RBM19: variants seen among roughly 807,000 people sequenced by gnomAD.
RBM19 encodes the protein RNA binding motif protein 19.
In RBM19, 94 loss-of-function variants were observed where a neutral mutation model predicts 116.8. The ratio of observed to expected loss-of-function variants is 0.80; its 90% CI spans 0.68 to 0.95. The LOEUF is 0.95. Ranked by LOEUF, RBM19 falls within the 40% of genes least tolerant of loss-of-function variation. The pLI is 0.00. For synonymous variants in RBM19, 475 were observed against 494.1 expected, an observed-to-expected ratio of 0.96 and a Z score of 0.51; for missense variants, 1,161 against 1,220.7, an observed-to-expected ratio of 0.95 and a Z score of 0.73.
At position 113,912,759 on chromosome 12, in the gene RBM19, C is replaced by G. The variant is rs182850936; in HGVS notation, c.2558+2210G>C. On this transcript the variant is annotated intron_variant, in intron 21 of 23. Transcript: ENST00000261741. ...CATAGAACCTGCCTGCCCAAATGGA[C>G]CAGCTTGGTTCCCCGAAACCCTGAA... 3.2e-4 allele frequency among the ~76,000 whole-genome samples: 48 copies of G among 152,278 alleles called. 1 individual carries two copies. The highest frequency in any genetic ancestry group is 6.3e-4 in the Non-Finnish European group (43 of 68,024).
chr12:113,958,576 C>G (rs1165152206), intron 5 of RBM19, among the ~76,000 whole-genome samples: 1 of 152,144 alleles, frequency 6.6e-6, no homozygotes, highest in East Asian at 1.9e-4. Context: ...CCTACCGTGT[C>G]CCACTAAGTC....
chr12:113,924,373 G>A (rs1868865647), intron 18 of RBM19, among the ~76,000 whole-genome samples: 1 of 152,230 alleles, frequency 6.6e-6, no homozygotes, highest in Non-Finnish European at 1.5e-5. Flanking sequence ...AGGAGGCAGA[G>A]GTTCCTGATA....
chr12:113,857,543 C>T (rs768193080), intron 22 of RBM19, among the ~76,000 whole-genome samples: 5 of 152,248 alleles, frequency 3.3e-5, no homozygotes, highest in Admixed American at 1.3e-4. Context: ...GGGTGAGGGC[C>T]GTGACCTGCT....
At chr12:113,855,429 T>C (rs2135735414) in intron 22 of RBM19, among the ~76,000 whole-genome samples, 1 of 152,346 alleles carries the variant, frequency 6.6e-6, no homozygotes, top group South Asian at 2.1e-4. Context: ...TCCTCCCATC[T>C]GACGATTGCT....
chr12:113,920,729 C>G (rs752695046), intron 18 of RBM19, 39 bp from the exon 19 acceptor site: 1 of 1,584,392 alleles, frequency 6.3e-7, no homozygotes, highest in Non-Finnish European at 8.7e-7. Flanking sequence ...GTCGGTGAAG[C>G]GGAAGCACAA....
chr12:113,871,830 C>A (rs545579093), intron 21 of RBM19, among the ~76,000 whole-genome samples: 6 of 152,220 alleles, frequency 3.9e-5, no homozygotes, highest in African/African-American at 1.4e-4. Context: ...CGGCGAGCGC[C>A]GCCCGGGAGG....
chr12:113,843,432 AG>A (rs1036674282), intron 23 of RBM19, among the ~76,000 whole-genome samples: 5 of 152,190 alleles, frequency 3.3e-5, no homozygotes, highest in African/African-American at 1.2e-4. Flanking sequence ...GTGGCGTGCC[AG>A]GAAGACCTCA....
At chr12:113,930,903 T>A (rs1869546821) in intron 16 of RBM19, among the ~76,000 whole-genome samples, 1 of 152,270 alleles carries the variant, frequency 6.6e-6, no homozygotes, top group South Asian at 2.1e-4. Flanking sequence ...CCTAGCTGCA[T>A]GGCCCTGGGT....
intron 23 of RBM19, among the ~76,000 whole-genome samples, chr12:113,833,451 G>A (rs1202602313): frequency 6.6e-6 from 1 of 152,170 alleles, no homozygotes; most frequent in Non-Finnish European, 1.5e-5. Context: ...AAATCTTCTG[G>A]GAGCTTCCCA....
intron 21 of RBM19, among the ~76,000 whole-genome samples, chr12:113,872,025 A>C (rs1294882915): frequency 1.6e-5 from 2 of 127,452 alleles, no homozygotes; most frequent in South Asian, 5.6e-4. Flanking sequence ...CTGGCTGCCC[A>C]GTCTGGAAAG....
chr12:113,914,884 C>T, intron 21 of RBM19, 85 bp downstream of exon 21: 1 of 1,206,014 alleles, frequency 8.3e-7, no homozygotes, highest in Non-Finnish European at 1.2e-6. Flanking sequence ...CGGAACCATC[C>T]AGGACCCAAA....
chr12:113,868,891 G>A (rs1023090685), intron 21 of RBM19, among the ~76,000 whole-genome samples: 1 of 152,152 alleles, frequency 6.6e-6, no homozygotes, highest in Admixed American at 6.5e-5. Flanking sequence ...ACCTAAGTGC[G>A]GAGCCAGACT....
Position 113,959,203 on chromosome 12 carries a change from T to A in RBM19, c.571+9A>T, listed in dbSNP as rs780429863. Reference sequence around the variant, plus strand: ...GTGCGCATGGAGCACACAGTCCCCATGCCCTCACCTTCCAGGTCCTCCCCG... The same window carrying A: ...GTGCGCATGGAGCACACAGTCCCCAAGCCCTCACCTTCCAGGTCCTCCCCG... On this transcript the variant is annotated intron_variant, in intron 5 of 23. Transcript: ENST00000261741. 3 of 1,606,594 alleles carry A rather than the reference T, an allele frequency of 1.9e-6. No homozygotes were observed. The South Asian group carries it at 3.3e-5, about 18-fold the overall frequency.
downstream of RBM19, among the ~76,000 whole-genome samples, chr12:113,819,194 C>T (rs973466199): frequency 1.2e-4 from 19 of 152,336 alleles, no homozygotes; most frequent in African/African-American, 4.3e-4. Flanking sequence ...TGGAAACAGC[C>T]TGTCCCCGTT....
intron 21 of RBM19, among the ~76,000 whole-genome samples, chr12:113,887,634 C>CAAAAAAAA (rs35665613): frequency 4.0e-4 from 28 of 70,688 alleles, no homozygotes; most frequent in South Asian, 7.5e-4. Context: ...GACTCCATCT[C>CAAAAAAAA]AAAAAAAAAA....
At chr12:113,953,544 C>G (rs550940348) in intron 7 of RBM19, among the ~76,000 whole-genome samples, 2 of 152,284 alleles carry the variant, frequency 1.3e-5, no homozygotes, top group East Asian at 3.9e-4. Flanking sequence ...GAGTATGATC[C>G]ATCTTACAAG....
intron 16 of RBM19, chr12:113,932,500 G>C (rs1386818455): frequency 2.0e-5 from 3 of 152,244 alleles, no homozygotes; most frequent in Non-Finnish European, 4.4e-5. Flanking sequence ...AGGGTAAGCT[G>C]CTGGCTTCAG....
intron 1 of RBM19, among the ~76,000 whole-genome samples, chr12:113,964,076 A>G (rs11614025): frequency 0.25 from 37,874 of 152,226 alleles, 5,309 homozygotes; most frequent in Middle Eastern, 0.41. Flanking sequence ...CTTTTCTGCT[A>G]GCCTGCAAGT....
intron 21 of RBM19, among the ~76,000 whole-genome samples, chr12:113,879,984 G>A (rs1879988553): frequency 1.3e-5 from 2 of 151,876 alleles, no homozygotes; most frequent in African/African-American, 4.8e-5. Flanking sequence ...CCTACAAAAT[G>A]ACAGCTCCCC....
Sources: allele counts gnomAD v4.1 joint callset (sites outside exome capture counted in the v4.1 genomes callset), GRCh38; gene constraint gnomAD v4.1.1; transcripts MANE v1.5; gene names NCBI Gene and HGNC (gene_info 2026-07-23, HGNC 2026-07-21).